ATF6: variants seen among roughly 807,000 people sequenced by gnomAD.
ATF6 encodes cyclic AMP-dependent transcription factor ATF-6 alpha.
A neutral mutation model predicts 83.6 loss-of-function variants in ATF6; 53 were observed. The observed-to-expected ratio is 0.63, with a 90% CI of 0.51 to 0.80. The LOEUF is 0.80. ATF6 is among the 30% of genes least tolerant of loss of function. ATF6 has a pLI of 0.00. For missense variants in ATF6, 744 were observed against 797.9 expected (o/e 0.93, Z 0.81); for synonymous variants, 288 against 285.8 (o/e 1.01, Z -0.08).
At chr1:161,786,468 T>G (rs1438668921) in intron 4 of ATF6, among the ~76,000 whole-genome samples, 2 of 152,230 alleles carry the variant, frequency 1.3e-5, no homozygotes, top group Non-Finnish European at 2.9e-5. Context: ...CTGTTTTCTA[T>G]AGCCAAATTA....
intron 14 of ATF6, among the ~76,000 whole-genome samples, chr1:161,898,049 ATTTT>A (rs1219209507): frequency 6.6e-6 from 1 of 152,042 alleles, no homozygotes; most frequent in Non-Finnish European, 1.5e-5. Context: ...TTAAGTATAG[ATTTT>A]TTTGACTCCT....
rs773084162 is a variant in ATF6 at position 161,912,368 on chromosome 1, A to G, written c.1792A>G (p.Ile598Val). The G allele has an allele frequency of 4.6e-5, 74 of 1,607,646 alleles. No individual in the cohort carries two copies. Among genetic ancestry groups the G allele is most frequent in the Non-Finnish European group, 6.0e-5 (71 of 1,176,148 alleles). The change falls in exon 15 of 16, where the codon ATA becomes GTA. Residue 598 changes from isoleucine to valine, a missense_variant. Physicochemically the swap from Ile to Val is conservative, Grantham distance 29. Transcript: ENST00000367942. ...RPKMSIVLPA[I>V]NINENVINGQ... ...AAAAATGTCAATTGTGTTACCAGCA[A>G]TAAACATAAATGGTAAGTTGAAATT...
chr1:161,841,305 G>T (rs115583293), intron 9 of ATF6, among the ~76,000 whole-genome samples: 1 of 152,236 alleles, frequency 6.6e-6, no homozygotes, highest in African/African-American at 2.4e-5. Flanking sequence ...ATACAAACCT[G>T]TAGTTATTCA....
chr1:161,808,133 G>A (rs920923169), intron 7 of ATF6, among the ~76,000 whole-genome samples: 3 of 151,960 alleles, frequency 2.0e-5, no homozygotes, highest in African/African-American at 7.2e-5. Flanking sequence ...ACCTGCCTCG[G>A]CCTCCCAAAG....
At chr1:161,926,277 A>G (rs1688307077) in intron 15 of ATF6, among the ~76,000 whole-genome samples, 1 of 152,218 alleles carries the variant, frequency 6.6e-6, no homozygotes, top group African/African-American at 2.4e-5. Flanking sequence ...AATTACTCCA[A>G]AACCTAGCAG....
Position 161,821,091 on chromosome 1 carries a change from A to T in ATF6, c.1117A>T (p.Ser373Cys). 6.2e-7 allele frequency: 1 copy of T among 1,612,692 alleles called. No individual in the cohort carries two copies. Residue 373 changes from serine (S) to cysteine (C), a missense_variant, in exon 9 of 16, where the codon AGT becomes TGT. Coordinates refer to ENST00000367942, the MANE Select transcript of ATF6 (RefSeq NM_007348.4). ...VSENQRLKVP[S>C]PKRRVVCVMI... ...TTAGAACCAGAGGCTTAAAGTCCCT[A>T]GTCCAAAGCGAAGAGTTGTCTGTGT... is the stretch of plus-strand genomic sequence containing the variant.
At chr1:161,897,400 G>A (rs1042412546) in intron 14 of ATF6, among the ~76,000 whole-genome samples, 2 of 152,094 alleles carry the variant, frequency 1.3e-5, no homozygotes, top group African/African-American at 4.8e-5. Flanking sequence ...AGGTGCCATT[G>A]CACTCCAGCC....
chr1:161,863,991 A>C (rs886325794), intron 14 of ATF6, among the ~76,000 whole-genome samples: 3 of 152,216 alleles, frequency 2.0e-5, no homozygotes, highest in Non-Finnish European at 4.4e-5. Context: ...TATCTCTGTT[A>C]GAGTGCTGTA....
intron 13 of ATF6, among the ~76,000 whole-genome samples, chr1:161,861,384 T>C (rs1686883045): frequency 6.6e-6 from 1 of 151,158 alleles, no homozygotes; most frequent in South Asian, 2.1e-4. Context: ...TAAATGACAA[T>C]GAGCAGCATA....
At chr1:161,894,472 C>T (rs371720168) in intron 14 of ATF6, among the ~76,000 whole-genome samples, 2 of 131,418 alleles carry the variant, frequency 1.5e-5, no homozygotes, top group African/African-American at 2.8e-5. Context: ...ATTACTGAAT[C>T]GTTTATAAAT....
intron 9 of ATF6, among the ~76,000 whole-genome samples, chr1:161,830,476 G>A (rs1686025016): frequency 6.6e-6 from 1 of 152,164 alleles, no homozygotes; most frequent in Admixed American, 6.5e-5. Flanking sequence ...CCAAAAAAGA[G>A]CCTGCATCGC....
intron 7 of ATF6, among the ~76,000 whole-genome samples, chr1:161,807,354 G>C (rs1165437685): frequency 1.8e-4 from 28 of 152,218 alleles, no homozygotes; most frequent in Non-Finnish European, 2.9e-5. Context: ...ACGCTGGTTA[G>C]GTCAAAATGT....
chr1:161,859,100 GTTC>G (rs1028068181), intron 12 of ATF6, among the ~76,000 whole-genome samples: 1 of 152,088 alleles, frequency 6.6e-6, no homozygotes, highest in Admixed American at 6.5e-5. Flanking sequence ...ATTTAACTGT[GTTC>G]TTCTTTTCAT....
rs895089966 is a variant in ATF6, at chr1:161,959,619, G to A, written c.*965G>A. The A allele has an allele frequency of 4.8e-5, 7 of 145,628 alleles. No homozygotes were observed. Among genetic ancestry groups the A allele is most frequent in the African/African-American group, 1.8e-4 (7 of 38,620 alleles). 9.0% of individuals were successfully genotyped at this position (145,628 alleles called of 1,614,324 possible). ...CGGGAGGCGGAGCTTGCAGTGAGCC[G>A]AGATCCCGCCACTGCACTCCAGCCT... On this transcript the variant is annotated 3_prime_UTR_variant, in exon 16 of 16. Coordinates refer to ENST00000367942, the MANE Select transcript of ATF6 (RefSeq NM_007348.4).
At chr1:161,819,360 G>T (rs114882118) in intron 7 of ATF6, among the ~76,000 whole-genome samples, 2 of 152,118 alleles carry the variant, frequency 1.3e-5, no homozygotes, top group Non-Finnish European at 2.9e-5. Context: ...TTCTGAGGGA[G>T]TTTCTAAGGG....
chr1:161,783,904 A>G, intron 3 of ATF6, 86 bp from the exon 4 acceptor site: 1 of 976,448 alleles, frequency 1.0e-6, no homozygotes, highest in Non-Finnish European at 1.6e-6. Flanking sequence ...ATTGAATTTT[A>G]AAAGTAGATT....
chr1:161,839,013 C>T (rs962201212), intron 9 of ATF6, among the ~76,000 whole-genome samples: 1 of 152,178 alleles, frequency 6.6e-6, no homozygotes, highest in Non-Finnish European at 1.5e-5. Context: ...CTTTTAGTCT[C>T]AGTTGCATTG....
At chr1:161,879,594 CAGCTA>C (rs945315073) in intron 14 of ATF6, among the ~76,000 whole-genome samples, 8 of 152,082 alleles carry the variant, frequency 5.3e-5, no homozygotes, top group African/African-American at 1.9e-4. Context: ...GGAGACCTAA[CAGCTA>C]AGCTAAGACC....
At position 161,820,757 on chromosome 1, in the gene ATF6, A is replaced by G. The variant is rs115531571; in HGVS notation, c.1096-313A>G. ...GTGACACTCCGTCTCAAAAAAATAT[A>G]TATACATATATATATTGAATTCTTT... is the stretch of plus-strand genomic sequence containing the variant. On this transcript the variant is annotated intron_variant, in intron 8 of 15. Transcript: ENST00000367942. Among the ~76,000 whole-genome samples the G allele has an allele frequency of 9.9e-3, 1,502 of 152,140 alleles. 8 individuals carry two copies. The highest frequency in any genetic ancestry group is 0.017 in the South Asian group (84 of 4,818).
Sources: allele counts gnomAD v4.1 joint callset (sites outside exome capture counted in the v4.1 genomes callset), GRCh38; gene constraint gnomAD v4.1.1; transcripts MANE v1.5; gene names NCBI Gene and HGNC (gene_info 2026-07-23, HGNC 2026-07-21).